LRRC63: variants seen among roughly 807,000 people sequenced by gnomAD.
LRRC63 encodes leucine rich repeat containing 63.
A neutral mutation model predicts 49.5 loss-of-function variants in LRRC63; 40 were observed. The ratio of observed to expected loss-of-function variants is 0.81; its 90% CI spans 0.63 to 1.05. LRRC63 has a LOEUF of 1.05. Among genes scored for constraint, LRRC63 ranks in the 50% least tolerant of loss-of-function variants. The pLI is 0.00. For missense variants in LRRC63, 636 were observed against 663.1 expected (o/e 0.96, Z 0.45); for synonymous variants, 191 against 221.1 (o/e 0.86, Z 1.21).
chr13:46,253,909 C>A (rs562690327), intron 7 of LRRC63, among the ~76,000 whole-genome samples: 1 of 152,054 alleles, frequency 6.6e-6, no homozygotes, highest in African/African-American at 2.4e-5. Flanking sequence ...GACCTATTAA[C>A]CTCACAGGAG....
intron 2 of LRRC63, among the ~76,000 whole-genome samples, chr13:46,223,621 C>T (rs2146888): frequency 0.13 from 20,354 of 151,716 alleles, 1,618 homozygotes; most frequent in African/African-American, 0.21. Context: ...TTTGGGAGGC[C>T]GAGGTGGGTG....
chr13:46,231,938 C>T (rs1276154365), intron 4 of LRRC63, among the ~76,000 whole-genome samples: 1 of 151,688 alleles, frequency 6.6e-6, no homozygotes, highest in African/African-American at 2.4e-5. Context: ...GCCTCAGCCT[C>T]ACGAGTAGCT....
intron 9 of LRRC63, among the ~76,000 whole-genome samples, chr13:46,272,130 T>C (rs1054990732): frequency 6.6e-6 from 1 of 152,214 alleles, no homozygotes; most frequent in Non-Finnish European, 1.5e-5. Context: ...ACAATGTGGA[T>C]ACATTGGACA....
chr13:46,276,443 T>C (rs2047838421), intron 9 of LRRC63, 147 bp from the exon 10 acceptor site: 1 of 395,732 alleles, frequency 2.5e-6, no homozygotes, highest in Non-Finnish European at 4.4e-6. Context: ...TTTTAGCGTT[T>C]AGTCTTTCAC....
chr13:46,216,403 A>AACTC (rs1471310288), intron 2 of LRRC63, among the ~76,000 whole-genome samples: 2 of 152,140 alleles, frequency 1.3e-5, no homozygotes, highest in African/African-American at 4.8e-5. Context: ...TTCACTTATG[A>AACTC]TGTGGCTCTC....
intron 5 of LRRC63, among the ~76,000 whole-genome samples, chr13:46,241,790 A>T (rs1052131099): frequency 6.6e-6 from 1 of 152,202 alleles, no homozygotes; most frequent in African/African-American, 2.4e-5. Context: ...ATCAGGCAGG[A>T]TAGCAATTAC....
intron 6 of LRRC63, among the ~76,000 whole-genome samples, chr13:46,248,764 C>G (rs1283780541): frequency 1.3e-5 from 2 of 151,832 alleles, no homozygotes; most frequent in Non-Finnish European, 2.9e-5. Context: ...TTGAACAACA[C>G]TATAAACCAA....
chr13:46,230,520 C>G (rs927531031), intron 4 of LRRC63, among the ~76,000 whole-genome samples: 1 of 152,098 alleles, frequency 6.6e-6, no homozygotes, highest in Non-Finnish European at 1.5e-5. Context: ...GCTAAAGGCC[C>G]GAGAGCCCCT....
At chr13:46,215,427 G>A (rs2138340264) in intron 2 of LRRC63, among the ~76,000 whole-genome samples, 1 of 151,812 alleles carries the variant, frequency 6.6e-6, no homozygotes, top group South Asian at 2.1e-4. Context: ...AGAAGTGTCT[G>A]TTCATATCCT....
At chr13:46,258,130 T>TTC (rs1309568357) in intron 7 of LRRC63, among the ~76,000 whole-genome samples, 137 of 148,294 alleles carry the variant, frequency 9.2e-4, no homozygotes, top group African/African-American at 3.2e-3. Flanking sequence ...TACTCTTTTT[T>TTC]TTTTTTTTTT....
intron 6 of LRRC63, among the ~76,000 whole-genome samples, chr13:46,247,420 C>A (rs2047244720): frequency 6.6e-6 from 1 of 152,096 alleles, no homozygotes; most frequent in Non-Finnish European, 1.5e-5. Context: ...TTTAACCTTT[C>A]TTCTAAGTAG....
chr13:46,228,164 A>C (rs1174282281), exon 3 of LRRC63: 2 of 1,548,926 alleles, frequency 1.3e-6, no homozygotes, highest in Admixed American at 3.9e-5. Flanking sequence ...TTTTACCAAG[A>C]AAACCTCACA....
intron 9 of LRRC63, among the ~76,000 whole-genome samples, chr13:46,271,408 T>C (rs2047756911): frequency 6.6e-6 from 1 of 152,190 alleles, no homozygotes; most frequent in South Asian, 2.1e-4. Context: ...TTTTAGGTTG[T>C]AGGGAAGAGG....
intron 7 of LRRC63, among the ~76,000 whole-genome samples, chr13:46,252,957 T>A (rs1260285668): frequency 1.3e-5 from 2 of 152,018 alleles, no homozygotes; most frequent in Admixed American, 6.6e-5. Context: ...AGGTTTTCCA[T>A]ATGTGAGTGG....
chr13:46,227,811 G>T lies in LRRC63; in HGVS notation c.385G>T (p.Glu129Ter). The change falls in exon 3 of 10, where the codon GAA (glutamate) becomes TAA (stop). Residue 129 changes from glutamate (E) to a stop codon, truncating the protein, a stop_gained. Transcript: ENST00000595396. LOFTEE classifies it high-confidence loss of function. Reference sequence around the variant, plus strand: ...TTTTGGGAAACAAACAAACAAAATGGAAAGTTCAAGAAAGTTTAAAACTAT... The same window carrying T: ...TTTTGGGAAACAAACAAACAAAATGTAAAGTTCAAGAAAGTTTAAAACTAT... The T allele has an allele frequency of 6.5e-7, 1 of 1,549,556 alleles. No homozygotes were observed. Among genetic ancestry groups the T allele is most frequent in the Non-Finnish European group, 8.7e-7 (1 of 1,146,728 alleles).
At chr13:46,275,198 T>C (rs113240288) in intron 9 of LRRC63, among the ~76,000 whole-genome samples, 5,977 of 152,264 alleles carry the variant, frequency 0.039, 383 homozygotes, top group African/African-American at 0.14. Context: ...GTACATACCA[T>C]ATTTTCTTTA....
intron 9 of LRRC63, chr13:46,270,508 A>G: frequency 1.3e-6 from 1 of 786,976 alleles, no homozygotes; most frequent in South Asian, 1.3e-5. Context: ...GCTACATTGC[A>G]GTTGAGTTAC....
At chr13:46,234,272 T>C (rs750197289) in exon 5 of LRRC63, 3 of 1,550,158 alleles carry the variant, frequency 1.9e-6, no homozygotes, top group Non-Finnish European at 2.6e-6. Context: ...AGCAACACGA[T>C]ATGAAACAAT....
chr13:46,229,362 C>T (rs982142376), intron 4 of LRRC63, among the ~76,000 whole-genome samples: 2 of 152,166 alleles, frequency 1.3e-5, no homozygotes, highest in African/African-American at 2.4e-5. Context: ...ATTGAAGGAA[C>T]TGGACAGTAA....
Sources: gnomAD v4.1 joint callset for allele counts (sites outside exome capture counted in the v4.1 genomes callset) on GRCh38, gnomAD v4.1.1 for gene constraint, MANE v1.5 for transcripts, NCBI Gene and HGNC (gene_info 2026-07-23, HGNC 2026-07-21) for gene names.